Variants in CTPS2 observed in about 807,000 individuals in gnomAD.
The protein encoded by CTPS2 is CTP synthase II.
CTPS2 carries 19 observed loss-of-function variants against 46.8 expected under a neutral mutation model. The ratio of observed to expected loss-of-function variants is 0.41; its 90% CI spans 0.28 to 0.60. The LOEUF (loss-of-function observed/expected upper bound fraction) is 0.60, where lower values mean the gene tolerates loss of function less well. Ranked by LOEUF, CTPS2 falls within the 20% of genes least tolerant of loss-of-function variation. The pLI is 0.35. For synonymous variants in CTPS2, 151 were observed against 165.2 expected (o/e 0.91, Z 0.66); for missense variants, 286 against 447.6 (o/e 0.64, Z 3.26).
intron 17 of CTPS2, among the ~76,000 whole-genome samples, chrX:16,596,691 T>C (rs1929296996): frequency 9.3e-6 from 1 of 107,867 alleles, no homozygotes; most frequent in African/African-American, 3.4e-5. Flanking sequence ...TGATTTATAG[T>C]CCTTTGGGTA....
intron 10 of CTPS2, among the ~76,000 whole-genome samples, chrX:16,677,633 T>G (rs771508534): frequency 9.0e-6 from 1 of 111,546 alleles, no homozygotes; most frequent in South Asian, 3.8e-4. Context: ...GCATTCTAAG[T>G]CACAGGATGA....
chrX:16,633,152 T>C (rs1174691562), intron 14 of CTPS2, among the ~76,000 whole-genome samples: 14 of 105,102 alleles, frequency 1.3e-4, no homozygotes, highest in Non-Finnish European at 1.4e-4. Flanking sequence ...GGTACAATCA[T>C]GGCTCACTGC....
At chrX:16,687,474 C>CAAAAAAAAAAAAAAA (rs35798035) in intron 8 of CTPS2, among the ~76,000 whole-genome samples, 2 of 44,324 alleles carry the variant, frequency 4.5e-5, no homozygotes, top group African/African-American at 8.3e-5. Flanking sequence ...CACCCTGTGT[C>CAAAAAAAAAAAAAAA]AAAAAAAAAA....
At chrX:16,707,380 G>T (rs1210677182) in intron 1 of CTPS2, among the ~76,000 whole-genome samples, 1 of 111,799 alleles carries the variant, frequency 8.9e-6, no homozygotes, top group African/African-American at 3.2e-5. Context: ...TACAGAAAAA[G>T]AAAAATAATG....
chrX:16,642,378 CTGAACATCAG>C (rs1932121947), intron 13 of CTPS2, among the ~76,000 whole-genome samples: 1 of 111,589 alleles, frequency 9.0e-6, no homozygotes, highest in Non-Finnish European at 1.9e-5. Flanking sequence ...AAATGTTGCC[CTGAACATCAG>C]TGAAAGGAGA....
chrX:16,594,452 T>A (rs942214164), intron 17 of CTPS2, among the ~76,000 whole-genome samples: 2 of 111,947 alleles, frequency 1.8e-5, no homozygotes, highest in Non-Finnish European at 3.8e-5. Flanking sequence ...ATAAACTTGC[T>A]CTGAAAACTA....
intron 17 of CTPS2, among the ~76,000 whole-genome samples, chrX:16,606,067 G>A (rs748926657): frequency 1.8e-5 from 2 of 112,096 alleles, no homozygotes; most frequent in South Asian, 3.7e-4. Flanking sequence ...AATATTCTCC[G>A]CTAGGCAGAA....
intron 1 of CTPS2, among the ~76,000 whole-genome samples, chrX:16,709,720 C>A (rs754450757): frequency 3.8e-5 from 4 of 106,646 alleles, no homozygotes; most frequent in Non-Finnish European, 7.7e-5. Context: ...GTGGTGGCAC[C>A]CACCTGTAGT....
chrX:16,665,037 GAT>G (rs770551589), intron 13 of CTPS2, among the ~76,000 whole-genome samples: 3 of 112,562 alleles, frequency 2.7e-5, no homozygotes, highest in Admixed American at 9.4e-5. Flanking sequence ...CACATGAAAA[GAT>G]GCTCAACATC....
intron 10 of CTPS2, among the ~76,000 whole-genome samples, chrX:16,671,505 C>CTT (rs11323776): frequency 4.2e-4 from 20 of 48,061 alleles, no homozygotes; most frequent in Non-Finnish European, 6.5e-4. Flanking sequence ...TAACATTTTT[C>CTT]TTTTTTTTTT....
intron 13 of CTPS2, among the ~76,000 whole-genome samples, chrX:16,657,601 G>A (rs1365044600): frequency 9.0e-6 from 1 of 111,593 alleles, no homozygotes; most frequent in Non-Finnish European, 1.9e-5. Flanking sequence ...GAATAAGAGA[G>A]CCACTATTCA....
At chrX:16,603,612 C>T (rs868035508) in intron 17 of CTPS2, among the ~76,000 whole-genome samples, 1 of 107,989 alleles carries the variant, frequency 9.3e-6, no homozygotes, top group African/African-American at 3.4e-5. Flanking sequence ...GATACACTCA[C>T]TATTATTACA....
intron 13 of CTPS2, among the ~76,000 whole-genome samples, chrX:16,653,618 C>T (rs762046356): frequency 1.1e-3 from 117 of 111,235 alleles, no homozygotes; most frequent in Non-Finnish European, 1.5e-3. Context: ...TACAGATTCT[C>T]GGGCCCCACC....
intron 13 of CTPS2, among the ~76,000 whole-genome samples, chrX:16,639,751 AAG>A (rs1025050298): frequency 2.0e-5 from 2 of 101,302 alleles, no homozygotes; most frequent in African/African-American, 7.2e-5. Context: ...GAAAGAAAGA[AAG>A]AGAAAGGAAA....
Position 16,655,711 on chromosome X carries a change from C to T in CTPS2, c.1296+11803G>A, listed in dbSNP as rs773520205. 3.3e-4 allele frequency among the ~76,000 whole-genome samples: 37 copies of T among 112,326 alleles called. 2 individuals are homozygous for T. Among genetic ancestry groups the T allele is most frequent in the Admixed American group, 8.5e-4 (9 of 10,609 alleles). On this transcript the variant is annotated intron_variant, in intron 13 of 18. Coordinates refer to ENST00000359276, the MANE Select transcript of CTPS2 (RefSeq NM_175859.3). ...ATCCTCGCAACTCTCCTCCGCAAAACACCCATGAAGTATCAAAGTATCAGT... is the reference window on the plus strand; with the variant it reads ...ATCCTCGCAACTCTCCTCCGCAAAATACCCATGAAGTATCAAAGTATCAGT...
intron 17 of CTPS2, among the ~76,000 whole-genome samples, chrX:16,600,656 T>C (rs948533187): frequency 1.8e-5 from 2 of 111,698 alleles, no homozygotes; most frequent in African/African-American, 6.5e-5. Context: ...TAAAAGCACC[T>C]TTTAACCAAC....
At chrX:16,685,980 C>T (rs189407543) in intron 8 of CTPS2, among the ~76,000 whole-genome samples, 1,176 of 110,307 alleles carry the variant, frequency 0.011, 13 homozygotes, top group African/African-American at 0.036. Context: ...GACCCCTGGC[C>T]TCTGAGCAGC....
intron 9 of CTPS2, 56 bp downstream of exon 9, chrX:16,683,038 A>G (rs1238086180): frequency 8.4e-7 from 1 of 1,191,251 alleles, no homozygotes; most frequent in Non-Finnish European, 1.1e-6. Flanking sequence ...CCCCTCTGGA[A>G]CATGTGCTAT....
chrX:16,694,909 C>T (rs761864317), intron 4 of CTPS2, among the ~76,000 whole-genome samples: 2 of 111,270 alleles, frequency 1.8e-5, no homozygotes, highest in Admixed American at 9.6e-5. Context: ...GTGGGAGGAT[C>T]GCTTGAGCCT....
Sources: gnomAD v4.1 joint callset for allele counts (sites outside exome capture counted in the v4.1 genomes callset) on GRCh38, gnomAD v4.1.1 for gene constraint, MANE v1.5 for transcripts, NCBI Gene and HGNC (gene_info 2026-07-23, HGNC 2026-07-21) for gene names.